Variants in DAAM2 observed in about 807,000 individuals in gnomAD.
DAAM2 encodes dishevelled associated activator of morphogenesis 2.
Under a neutral mutation model 120.7 loss-of-function variants are expected in DAAM2, and 39 were observed. The observed-to-expected ratio is 0.32, with a 90% CI of 0.25 to 0.42. The LOEUF (loss-of-function observed/expected upper bound fraction) is 0.42. Ranked by LOEUF, DAAM2 falls within the 10% of genes least tolerant of loss-of-function variation. The pLI is 1.00. For synonymous variants in DAAM2, 488 were observed against 524.9 expected (o/e 0.93, Z 0.96); for missense variants, 1,283 against 1,401.7 (o/e 0.92, Z 1.35).
chr6:39,829,380 T>C (rs1312786096), intron 1 of DAAM2, among the ~76,000 whole-genome samples: 1 of 152,170 alleles, frequency 6.6e-6, no homozygotes, highest in African/African-American at 2.4e-5. Flanking sequence ...CTTGCGGCTT[T>C]TCCCAGGGTG....
intron 1 of DAAM2, among the ~76,000 whole-genome samples, chr6:39,827,583 G>A (rs1452951837): frequency 6.6e-6 from 1 of 152,100 alleles, no homozygotes; most frequent in Non-Finnish European, 1.5e-5. Context: ...GGTGCCCCCG[G>A]GCCTGGTAGG....
At chr6:39,895,694 TAACTAGTAGACA>T (rs1426634826) in intron 19 of DAAM2, among the ~76,000 whole-genome samples, 2 of 152,228 alleles carry the variant, frequency 1.3e-5, no homozygotes, top group Non-Finnish European at 2.9e-5. Context: ...TCATATTCCG[TAACTAGTAGACA>T]AAATCTCAGT....
intron 1 of DAAM2, among the ~76,000 whole-genome samples, chr6:39,793,673 C>G (rs766783282): frequency 6.6e-6 from 1 of 152,068 alleles, no homozygotes; most frequent in African/African-American, 2.4e-5. Context: ...CCAGCTGAAG[C>G]GGGGGATGGA....
chr6:39,807,672 A>G (rs1238425206), intron 1 of DAAM2, among the ~76,000 whole-genome samples: 1 of 151,904 alleles, frequency 6.6e-6, no homozygotes, highest in Non-Finnish European at 1.5e-5. Flanking sequence ...GAGCACAACT[A>G]TGCTTGGGTG....
intron 14 of DAAM2, among the ~76,000 whole-genome samples, chr6:39,883,328 C>G (rs1274139589): frequency 1.3e-5 from 2 of 152,080 alleles, no homozygotes; most frequent in African/African-American, 4.8e-5. Flanking sequence ...GATGGTAACA[C>G]CTTCCCTGGC....
chr6:39,857,548 C>G (rs1373512826), intron 2 of DAAM2, among the ~76,000 whole-genome samples: 1 of 152,144 alleles, frequency 6.6e-6, no homozygotes, highest in Non-Finnish European at 1.5e-5. Flanking sequence ...AAAGCGTTTG[C>G]TAGTGTAGAA....
chr6:39,839,274 A>G (rs1763231862), intron 1 of DAAM2, among the ~76,000 whole-genome samples: 3 of 152,228 alleles, frequency 2.0e-5, no homozygotes, highest in Admixed American at 2.0e-4. Flanking sequence ...AACTGCCTGC[A>G]TCCAAATCTC....
intron 1 of DAAM2, among the ~76,000 whole-genome samples, chr6:39,826,966 G>T (rs188766292): frequency 5.3e-5 from 8 of 152,230 alleles, no homozygotes; most frequent in Admixed American, 5.2e-4. Flanking sequence ...AGAGAGAGGC[G>T]GTGTAGCTTG....
intron 1 of DAAM2, among the ~76,000 whole-genome samples, chr6:39,815,409 C>T (rs1202797139): frequency 6.6e-6 from 1 of 152,152 alleles, no homozygotes; most frequent in East Asian, 1.9e-4. Flanking sequence ...ATGGGTGTCC[C>T]TGAGCAAGTG....
intron 1 of DAAM2, among the ~76,000 whole-genome samples, chr6:39,802,347 T>C (rs1013047555): frequency 1.3e-5 from 2 of 152,252 alleles, no homozygotes; most frequent in Non-Finnish European, 2.9e-5. Flanking sequence ...TCTTGCTAGC[T>C]GTGTGACCTT....
Position 39,891,682 on chromosome 6 carries a change from A to T in DAAM2, c.2301A>T (p.Lys767Asn). The T allele has an allele frequency of 6.2e-7, 1 of 1,610,388 alleles. No homozygotes were observed. Among genetic ancestry groups the T allele is most frequent in the Non-Finnish European group, 8.5e-7 (1 of 1,178,322 alleles). ...TGCAAGCCCTCTTCTTCAAGAAGAA[A>T]TTCCAGGAGCGGCTGGCTGAGGCAA... Reference protein sequence around the residue: ...QRLQALFFKKKFQERLAEAKP... With the variant: ...QRLQALFFKKNFQERLAEAKP... Residue 767 changes from lysine (K) to asparagine (N), a missense_variant, in exon 19 of 25, where the codon AAA (lysine) becomes AAT (asparagine). Physicochemically the swap from Lys to Asn is moderately conservative, Grantham distance 94. Around this residue, in one of 3 missense-constraint regions of DAAM2, gnomAD observed 748 missense variants for 768.6 expected, o/e 0.97. Transcript: ENST00000274867.
chr6:39,819,843 G>C (rs777012387), intron 1 of DAAM2: 1 of 152,204 alleles, frequency 6.6e-6, no homozygotes, highest in African/African-American at 2.4e-5. Context: ...TCTTTTATAA[G>C]GGCATGAATC....
At chr6:39,840,990 G>A (rs1763303242) in intron 1 of DAAM2, among the ~76,000 whole-genome samples, 1 of 148,390 alleles carries the variant, frequency 6.7e-6, no homozygotes, top group Admixed American at 6.7e-5. Flanking sequence ...CCAGGAGGAG[G>A]GGATCTGGGG....
rs1765007742 is a variant in DAAM2 at position 39,879,235 on chromosome 6, A to G, written c.1603A>G (p.Met535Val). ...GGGCCCACTCACCTTGTCTTCCTCA[A>G]TGACAACCAATGACCTGCCTCCACC... ...PGGPLTLSSSMTTNDLPPPPP... is the reference protein window; with the variant it reads ...PGGPLTLSSSVTTNDLPPPPP... The change falls in exon 14 of 25, where the codon ATG becomes GTG. Residue 535 changes from methionine to valine, a missense_variant. Transcript: ENST00000274867. 3.9e-6 allele frequency: 6 copies of G among 1,549,050 alleles called. No homozygotes were observed. The highest frequency in any genetic ancestry group is 2.4e-5 in the East Asian group (1 of 40,928).
At chr6:39,829,255 T>C (rs1180889090) in intron 1 of DAAM2, among the ~76,000 whole-genome samples, 1 of 152,230 alleles carries the variant, frequency 6.6e-6, no homozygotes, top group Non-Finnish European at 1.5e-5. Context: ...GGCCTGCACA[T>C]GCGCCTATGA....
At chr6:39,797,441 TA>T (rs1357623198) in intron 1 of DAAM2, among the ~76,000 whole-genome samples, 1 of 152,192 alleles carries the variant, frequency 6.6e-6, no homozygotes, top group Non-Finnish European at 1.5e-5. Flanking sequence ...TCTGAGGACT[TA>T]AAAAACTTAC....
Position 39,891,692 on chromosome 6 carries a change from C to T in DAAM2, c.2311C>T (p.Arg771Trp), listed in dbSNP as rs751120333. 8.1e-6 allele frequency: 13 copies of T among 1,607,468 alleles called. No homozygotes were observed. Among genetic ancestry groups the T allele is most frequent in the African/African-American group, 2.7e-5 (2 of 74,748 alleles). ...CTTCTTCAAGAAGAAATTCCAGGAGCGGCTGGCTGAGGCAAAGCCCAAAGT... is the reference window on the plus strand; with the variant it reads ...CTTCTTCAAGAAGAAATTCCAGGAGTGGCTGGCTGAGGCAAAGCCCAAAGT... ...ALFFKKKFQE[R>W]LAEAKPKVEA... The change falls in exon 19 of 25, where the codon CGG becomes TGG. Residue 771 changes from arginine (R) to tryptophan (W), a missense_variant. Arg to Trp is a moderately radical substitution (Grantham distance 101, BLOSUM62 -3). Around this residue, in one of 3 missense-constraint regions of DAAM2, gnomAD observed 748 missense variants for 768.6 expected, o/e 0.97. Transcript: ENST00000274867.
chr6:39,794,248 CTGTG>C lies in DAAM2; in HGVS notation c.-57+1786_-57+1789del, dbSNP rs535303543. Among the ~76,000 whole-genome samples, 40 of 152,270 alleles carry C rather than the reference CTGTG, an allele frequency of 2.6e-4. No homozygotes were observed. In the East Asian group the frequency reaches 5.4e-3, roughly 21 times the overall value. On this transcript the variant is annotated intron_variant, in intron 1 of 24. Transcript: ENST00000274867. ...CCTATGTGTTTTTACACATACATGACTGTGTGGTGATGGCCATGGCCTTAGACAT... is the reference window on the plus strand; with the variant it reads ...CCTATGTGTTTTTACACATACATGACTGGTGATGGCCATGGCCTTAGACAT...
In DAAM2 at chr6:39,900,082, G is replaced by A. The variant is rs1423002635; in HGVS notation, c.2685G>A (p.Leu895=). The change falls in exon 23 of 25, where the codon CTG becomes CTA. Residue 895 remains leucine (L), a synonymous_variant. Coordinates refer to ENST00000274867, the MANE Select transcript of DAAM2 (RefSeq NM_001201427.2). ...ACTTCACCCTCCCTCCTCAGGAGCT[G>A]GAGTATCAGAGGCGCCAGGTACGGG... ...RRGLRAVEVE[L]EYQRRQVREP... The A allele has an allele frequency of 6.2e-7, 1 of 1,601,206 alleles. No homozygotes were observed. The highest frequency in any genetic ancestry group is 1.7e-4 in the Middle Eastern group (1 of 6,046).
Sources: allele counts gnomAD v4.1 joint callset (sites outside exome capture counted in the v4.1 genomes callset), GRCh38; gene constraint gnomAD v4.1.1; regional missense constraint gnomAD v4.1.1; transcripts MANE v1.5; gene names NCBI Gene and HGNC (gene_info 2026-07-23, HGNC 2026-07-21).